SVEP1: variants seen among roughly 807,000 people sequenced by gnomAD.
SVEP1 encodes sushi, von Willebrand factor type A, EGF and pentraxin domain containing 1, also known as sushi, von Willebrand factor type A, EGF and pentraxin domain-containing protein 1.
In SVEP1, 164 loss-of-function variants were observed where a neutral mutation model predicts 367.3. The observed-to-expected ratio is 0.45, with a 90% CI of 0.39 to 0.51. The LOEUF (loss-of-function observed/expected upper bound fraction) is 0.51. SVEP1 is among the 20% of genes least tolerant of loss of function. The probability of loss-of-function intolerance (pLI) is 0.00; values close to 1 mark genes in which losing one functional copy is unlikely to be tolerated. For missense variants in SVEP1, 4,117 were observed against 4,425.3 expected (o/e 0.93, Z 1.98); for synonymous variants, 1,666 against 1,611.6 (o/e 1.03, Z -0.81).
At chr9:110,475,578 C>A (rs1829087897) in intron 14 of SVEP1, among the ~76,000 whole-genome samples, 2 of 151,126 alleles carry the variant, frequency 1.3e-5, no homozygotes, top group South Asian at 4.2e-4. Flanking sequence ...CTTTGTTGCC[C>A]AGGCTGGAGT....
intron 6 of SVEP1, among the ~76,000 whole-genome samples, chr9:110,502,781 GA>G (rs1364328699): frequency 6.6e-6 from 1 of 152,078 alleles, no homozygotes; most frequent in Non-Finnish European, 1.5e-5. Context: ...TTAAAACTAA[GA>G]AAAAAGGCAT....
intron 1 of SVEP1, among the ~76,000 whole-genome samples, chr9:110,566,277 G>A (rs1830492006): frequency 6.6e-6 from 1 of 151,560 alleles, no homozygotes; most frequent in Non-Finnish European, 1.5e-5. Context: ...AGTCGTGATA[G>A]TGCCACTGCA....
chr9:110,492,806 C>A (rs1397139486), intron 8 of SVEP1, among the ~76,000 whole-genome samples: 1 of 152,020 alleles, frequency 6.6e-6, no homozygotes, highest in Non-Finnish European at 1.5e-5. Context: ...ATCCCATTCC[C>A]AGGCTGGATG....
At chr9:110,380,819 C>T (rs1324264437) in intron 43 of SVEP1, among the ~76,000 whole-genome samples, 1 of 152,226 alleles carries the variant, frequency 6.6e-6, no homozygotes, top group Non-Finnish European at 1.5e-5. Context: ...CTGTCTGGTC[C>T]TTGGCTTTTT....
At position 110,366,564 on chromosome 9, in the gene SVEP1, G is replaced by GAA. The variant is rs56790407; in HGVS notation, c.10695-6_10695-5dup. 8,561 of 1,403,892 alleles carry GAA rather than the reference G, an allele frequency of 6.1e-3. 1 individual carries two copies. The highest frequency in any genetic ancestry group is 8.3e-3 in the South Asian group (595 of 71,988). The allele number at this position is 1,403,892 out of a possible 1,614,324, so 87.0% of individuals were successfully genotyped here. A position where few individuals can be genotyped will look rare whatever the true frequency, so the allele number is the denominator to read the frequency against. ...TTAAAACCCAGTCCTCCTTTTCCTGGAAAAAAAAAAAAAAGCAACCAAATA... is the reference window on the plus strand; with the variant it reads ...TTAAAACCCAGTCCTCCTTTTCCTGGAAAAAAAAAAAAAAAAGCAACCAAATA... On this transcript the variant is annotated splice_region_variant and splice_polypyrimidine_tract_variant and intron_variant, in intron 47 of 47. Coordinates refer to ENST00000374469, the MANE Select transcript of SVEP1 (RefSeq NM_153366.4).
At chr9:110,430,139 G>C in intron 33 of SVEP1, 135 bp from the exon 34 acceptor site, 1 of 1,126,978 alleles carries the variant, frequency 8.9e-7, no homozygotes, top group Non-Finnish European at 1.2e-6. Flanking sequence ...TGTGTGTGGG[G>C]TCATGTTTAA....
intron 40 of SVEP1, 149 bp downstream of exon 40, chr9:110,400,705 T>G: frequency 1.1e-6 from 1 of 910,486 alleles, no homozygotes. Flanking sequence ...CTTAAATATT[T>G]CTTGGAAAAT....
chr9:110,471,702 T>A, intron 15 of SVEP1, 105 bp from the exon 16 acceptor site: 2 of 777,152 alleles, frequency 2.6e-6, no homozygotes, highest in Non-Finnish European at 4.1e-6. Context: ...CTTTTAGTAC[T>A]AATAAGTGGT....
chr9:110,537,513 TGTA>T (rs1830093423), intron 3 of SVEP1, among the ~76,000 whole-genome samples: 1 of 151,956 alleles, frequency 6.6e-6, no homozygotes, highest in African/African-American at 2.4e-5. Flanking sequence ...CCACAATTTT[TGTA>T]GTGGAGAAGT....
intron 1 of SVEP1, among the ~76,000 whole-genome samples, chr9:110,575,629 A>G (rs1036397452): frequency 1.3e-5 from 2 of 152,238 alleles, no homozygotes; most frequent in African/African-American, 2.4e-5. Flanking sequence ...TGAAAACAGT[A>G]CAAATGAAAA....
intron 17 of SVEP1, among the ~76,000 whole-genome samples, chr9:110,467,675 C>G (rs1001280815): frequency 1.3e-5 from 2 of 150,458 alleles, no homozygotes; most frequent in Admixed American, 1.3e-4. Context: ...TTGCTCTGTC[C>G]CTCAGGCTGG....
At chr9:110,438,402 C>T (rs150581886) in intron 27 of SVEP1, among the ~76,000 whole-genome samples, 35 of 151,912 alleles carry the variant, frequency 2.3e-4, no homozygotes, top group Middle Eastern at 3.4e-3. Context: ...ACCCTCACCA[C>T]GCATGTTGAT....
intron 46 of SVEP1, among the ~76,000 whole-genome samples, chr9:110,370,366 AT>A (rs960863971): frequency 1.4e-4 from 21 of 152,136 alleles, no homozygotes; most frequent in African/African-American, 4.3e-4. Context: ...TGAACTATAA[AT>A]TTTTTTGTGT....
rs375436111 is a variant in SVEP1, at chr9:110,385,848, GA to G, written c.10237+49del. 536 of 1,570,368 alleles carry G rather than the reference GA, an allele frequency of 3.4e-4. 1 individual carries two copies. In the African/African-American group the frequency reaches 5.3e-3, roughly 15 times the overall value. ...ATTGAAAACAACCTCACAGGGATGG[GA>G]AAACATTTCGCACTAGCGGCATGAA... On this transcript the variant is annotated intron_variant, in intron 43 of 47. Transcript: ENST00000374469.
At position 110,447,000 on chromosome 9, in the gene SVEP1, A is replaced by G. The variant is rs1243102125; in HGVS notation, c.4161T>C (p.Cys1387=). Residue 1387 remains cysteine, a synonymous_variant, in exon 25 of 48, where the codon TGT becomes TGC. Coordinates refer to ENST00000374469, the MANE Select transcript of SVEP1 (RefSeq NM_153366.4). ...GSHCELNINE[C]QSNPCRNQAT... ...CCTGATTTCTACATGGATTAGACTG[A>G]CATTCATTGATGTTCAATTCACAGT... 1.3e-6 allele frequency: 2 copies of G among 1,544,726 alleles called. No homozygotes were observed. The highest frequency in any genetic ancestry group is 2.0e-5 in the Admixed American group (1 of 50,154).
rs1256604718 is a variant in SVEP1 at position 110,411,526 on chromosome 9, T to C, written c.6185A>G (p.Asn2062Ser). ...TGGGGGTACCCACTTGCCCTGGGCA[T>C]TGCAGAGAAGCTGGGAATTGTCTGC... is the stretch of plus-strand genomic sequence containing the variant. ...SLADNSQLLC[N>S]AQGKWVPPEG... is the part of the protein sequence containing the mutation. Residue 2062 changes from asparagine to serine, a missense_variant, in exon 37 of 48, where the codon AAT becomes AGT. Transcript: ENST00000374469. The C allele has an allele frequency of 1.2e-6, 2 of 1,613,874 alleles. No individual in the cohort carries two copies. Among genetic ancestry groups the C allele is most frequent in the Non-Finnish European group, 8.5e-7 (1 of 1,179,894 alleles).
intron 40 of SVEP1, among the ~76,000 whole-genome samples, chr9:110,394,008 A>C (rs1040895153): frequency 6.6e-6 from 1 of 152,186 alleles, no homozygotes; most frequent in Non-Finnish European, 1.5e-5. Context: ...TGAAGAGAAT[A>C]ATGGTTCTCC....
At chr9:110,492,946 T>C (rs185474352) in intron 8 of SVEP1, among the ~76,000 whole-genome samples, 125 of 152,196 alleles carry the variant, frequency 8.2e-4, no homozygotes, top group African/African-American at 2.9e-3. Flanking sequence ...CTGGTGAATT[T>C]TGAAGGCAGG....
At chr9:110,459,913 TTTATGA>T (rs1485478770) in intron 18 of SVEP1, among the ~76,000 whole-genome samples, 1 of 152,070 alleles carries the variant, frequency 6.6e-6, no homozygotes, top group African/African-American at 2.4e-5. Context: ...ATGGAGGTTT[TTTATGA>T]TTATTTTATA....
Sources: allele counts gnomAD v4.1 joint callset (sites outside exome capture counted in the v4.1 genomes callset), GRCh38; gene constraint gnomAD v4.1.1; transcripts MANE v1.5; gene names NCBI Gene and HGNC (gene_info 2026-07-23, HGNC 2026-07-21).